KAZN: variants seen among roughly 807,000 people sequenced by gnomAD.
KAZN encodes kazrin, periplakin interacting protein.
KAZN carries 40 observed loss-of-function variants against 87.4 expected under a neutral mutation model. The observed-to-expected ratio is 0.46, with a 90% confidence interval of 0.36 to 0.60. The LOEUF (loss-of-function observed/expected upper bound fraction) is 0.60. KAZN is among the 20% of genes least tolerant of loss of function. The pLI is 0.00. For synonymous variants in KAZN, 466 were observed against 458.3 expected, an observed-to-expected ratio of 1.02 and a Z score of -0.22; for missense variants, 898 against 1,073.9, an observed-to-expected ratio of 0.84 and a Z score of 2.29.
In KAZN at chr1:15,085,491, C is replaced by T. The variant is rs528197630; in HGVS notation, c.1223-8689C>T. 2.8e-4 allele frequency among the ~76,000 whole-genome samples: 43 copies of T among 152,300 alleles called. 2 individuals are homozygous for T. Among genetic ancestry groups the T allele is most frequent in the Admixed American group, 2.0e-3 (30 of 15,310 alleles). On this transcript the variant is annotated intron_variant, in intron 8 of 14. Coordinates refer to ENST00000376030, the MANE Select transcript of KAZN (RefSeq NM_201628.3). ...TACAGGCATCTGCCACCACGCCCAG[C>T]TAATTTTTGTATTTTTGGTAGAGAT...
intron 1 of KAZN, among the ~76,000 whole-genome samples, chr1:13,934,228 A>T (rs1640636367): frequency 6.6e-6 from 1 of 152,222 alleles, no homozygotes; most frequent in Non-Finnish European, 1.5e-5. Context: ...CAAAGGGTAA[A>T]GTGAGGTTGA....
At chr1:15,085,855 A>G (rs545668132) in intron 8 of KAZN, among the ~76,000 whole-genome samples, 5 of 152,378 alleles carry the variant, frequency 3.3e-5, no homozygotes, top group Admixed American at 6.5e-5. Context: ...ATAATGGTTC[A>G]GAATATTCAA....
intron 5 of KAZN, among the ~76,000 whole-genome samples, chr1:15,059,690 T>C (rs1292261686): frequency 6.6e-6 from 1 of 152,132 alleles, no homozygotes; most frequent in African/African-American, 2.4e-5. Flanking sequence ...GGTGGTGGCC[T>C]TTAGGTTTCT....
chr1:14,511,510 AAG>A (rs1204666210), intron 2 of KAZN, among the ~76,000 whole-genome samples: 1 of 152,244 alleles, frequency 6.6e-6, no homozygotes, highest in African/African-American at 2.4e-5. Flanking sequence ...TATAGCTTTC[AAG>A]ACACTATCCC....
At chr1:14,420,864 C>G (rs985936688) in intron 2 of KAZN, among the ~76,000 whole-genome samples, 1 of 143,140 alleles carries the variant, frequency 7.0e-6, no homozygotes, top group African/African-American at 2.5e-5. Context: ...CGCACAGCCC[C>G]GGTTGCCGCC....
At chr1:15,026,449 A>G (rs1369385956) in intron 2 of KAZN, among the ~76,000 whole-genome samples, 1 of 152,184 alleles carries the variant, frequency 6.6e-6, no homozygotes, top group African/African-American at 2.4e-5. Flanking sequence ...TTCAGAAGCT[A>G]AAAGGAAGCT....
intron 1 of KAZN, among the ~76,000 whole-genome samples, chr1:13,989,141 A>C (rs1411548937): frequency 6.6e-6 from 1 of 152,004 alleles, no homozygotes; most frequent in East Asian, 1.9e-4. Flanking sequence ...TTCTGTGATA[A>C]CAACATTAAT....
intron 1 of KAZN, among the ~76,000 whole-genome samples, chr1:14,938,767 G>A (rs1485534779): frequency 6.6e-6 from 1 of 152,102 alleles, no homozygotes; most frequent in Non-Finnish European, 1.5e-5. Context: ...ATTATGAGAA[G>A]ACCACACTGG....
intron 1 of KAZN, among the ~76,000 whole-genome samples, chr1:14,798,416 C>CTTTTTTTTTTTTTTTTTTTTTT (rs545959773): frequency 2.3e-5 from 2 of 88,148 alleles, no homozygotes; most frequent in Non-Finnish European, 4.1e-5. Flanking sequence ...TGTTTCTTTC[C>CTTTTTTTTTTTTTTTTTTTTTT]TTTTTTTTTT....
At chr1:14,183,054 G>A (rs1161788987) in intron 2 of KAZN, among the ~76,000 whole-genome samples, 1 of 152,154 alleles carries the variant, frequency 6.6e-6, no homozygotes, top group Non-Finnish European at 1.5e-5. Flanking sequence ...ACATCAGCTT[G>A]CAAGTCGAAT....
intron 2 of KAZN, among the ~76,000 whole-genome samples, chr1:14,415,708 C>A (rs1267972463): frequency 6.6e-6 from 1 of 152,140 alleles, no homozygotes; most frequent in African/African-American, 2.4e-5. Flanking sequence ...CATTCAGCAA[C>A]CCATGGCAGC....
intron 1 of KAZN, among the ~76,000 whole-genome samples, chr1:14,953,900 C>G (rs1215517358): frequency 1.3e-5 from 2 of 151,996 alleles, no homozygotes; most frequent in Admixed American, 6.6e-5. Flanking sequence ...CCTCACTGCC[C>G]AGAAGTGTGT....
chr1:14,149,821 T>C (rs1178583438), intron 1 of KAZN, among the ~76,000 whole-genome samples: 1 of 152,178 alleles, frequency 6.6e-6, no homozygotes, highest in Non-Finnish European at 1.5e-5. Flanking sequence ...TAACAGGGAA[T>C]GGAACTGTAT....
chr1:14,410,688 G>C (rs1056190478), intron 2 of KAZN, among the ~76,000 whole-genome samples: 2 of 152,208 alleles, frequency 1.3e-5, no homozygotes, highest in Non-Finnish European at 2.9e-5. Context: ...GAGGGAAGTA[G>C]GGGAGATTTC....
intron 2 of KAZN, among the ~76,000 whole-genome samples, chr1:14,503,212 G>T (rs1232010702): frequency 6.6e-6 from 1 of 151,940 alleles, no homozygotes; most frequent in South Asian, 2.1e-4. Context: ...GGCCGTGCGT[G>T]GTGGCTCGTG....
chr1:14,877,184 C>T (rs1652861511), intron 1 of KAZN, among the ~76,000 whole-genome samples: 2 of 152,182 alleles, frequency 1.3e-5, no homozygotes, highest in Admixed American at 1.3e-4. Flanking sequence ...TTCTCACCAC[C>T]AATCTCGTGG....
chr1:14,467,717 G>A (rs1668243708), intron 2 of KAZN, among the ~76,000 whole-genome samples: 1 of 145,664 alleles, frequency 6.9e-6, no homozygotes, highest in Non-Finnish European at 1.5e-5. Flanking sequence ...ATCGCCCTCA[G>A]TTGAATCCAG....
At chr1:14,977,826 C>T (rs1417564747) in intron 2 of KAZN, among the ~76,000 whole-genome samples, 6 of 149,544 alleles carry the variant, frequency 4.0e-5, no homozygotes, top group Non-Finnish European at 7.4e-5. Flanking sequence ...CTTGCCTGGG[C>T]AGGGCTGACT....
chr1:14,839,319 C>T (rs1300213370), intron 1 of KAZN, among the ~76,000 whole-genome samples: 1 of 152,154 alleles, frequency 6.6e-6, no homozygotes, highest in African/African-American at 2.4e-5. Flanking sequence ...GCCTCAATTT[C>T]CATGAGCTGG....
Sources: allele counts gnomAD v4.1 joint callset (sites outside exome capture counted in the v4.1 genomes callset), GRCh38; gene constraint gnomAD v4.1.1; transcripts MANE v1.5; gene names NCBI Gene and HGNC (gene_info 2026-07-23, HGNC 2026-07-21).